TENM2: variants seen among roughly 807,000 people sequenced by gnomAD.
TENM2 encodes the protein teneurin transmembrane protein 2, also known as teneurin-2.
TENM2 carries 52 observed loss-of-function variants against 245.2 expected under a neutral mutation model. The ratio of observed to expected loss-of-function variants is 0.21; its 90% CI spans 0.17 to 0.27. TENM2 has a LOEUF of 0.27. Ranked by LOEUF, TENM2 falls within the 10% of genes least tolerant of loss-of-function variation. TENM2 has a pLI of 1.00. For synonymous variants in TENM2, 1,363 were observed against 1,438.9 expected, an observed-to-expected ratio of 0.95 and a Z score of 1.19; for missense variants, 3,046 against 3,666.8, an observed-to-expected ratio of 0.83 and a Z score of 4.37.
chr5:167,069,275 G>A, the TENM2 span, among the ~76,000 whole-genome samples: 309 of 152,004 alleles, frequency 2.0e-3, 1 homozygote, highest in African/African-American at 6.9e-3. Flanking sequence ...TTTCTATATC[G>A]CTTTCATTTG....
intron 2 of TENM2, among the ~76,000 whole-genome samples, chr5:167,734,386 T>C (rs1760652862): frequency 6.6e-6 from 1 of 151,466 alleles, no homozygotes. Flanking sequence ...TAACGGTGAA[T>C]AACCAGTAGT....
the TENM2 span, among the ~76,000 whole-genome samples, chr5:167,099,305 G>T: frequency 6.6e-6 from 1 of 152,130 alleles, no homozygotes; most frequent in African/African-American, 2.4e-5. Flanking sequence ...CCCTTTAAGG[G>T]TTAATTGTAA....
At chr5:167,760,273 C>G (rs1762576264) in intron 2 of TENM2, among the ~76,000 whole-genome samples, 1 of 152,150 alleles carries the variant, frequency 6.6e-6, no homozygotes, top group Non-Finnish European at 1.5e-5. Flanking sequence ...TGTCACATGC[C>G]TTTGAAAGAA....
chr5:168,102,443 GC>G (rs1793899920), intron 9 of TENM2, among the ~76,000 whole-genome samples: 1 of 152,194 alleles, frequency 6.6e-6, no homozygotes, highest in Admixed American at 6.5e-5. Context: ...GGAAATGTTA[GC>G]GCCCCCATTA....
At chr5:167,458,486 CAAAAAAACAAAA>C (rs1766061890) in intron 2 of TENM2, among the ~76,000 whole-genome samples, 1 of 35,760 alleles carries the variant, frequency 2.8e-5, no homozygotes, top group African/African-American at 1.1e-4. Context: ...GACTCCGTCT[CAAAAAAACAAAA>C]AAAAAAAAAA....
chr5:168,055,967 A>C (rs2152072582), intron 6 of TENM2, among the ~76,000 whole-genome samples: 1 of 152,348 alleles, frequency 6.6e-6, no homozygotes, highest in East Asian at 1.9e-4. Flanking sequence ...TAAAATGTCT[A>C]GCTAGGCATT....
chr5:167,238,289 A>C, the TENM2 span, among the ~76,000 whole-genome samples: 1 of 142,338 alleles, frequency 7.0e-6, no homozygotes, highest in Non-Finnish European at 1.5e-5. Context: ...CAACATTTTT[A>C]TTACTTAGTC....
chr5:168,238,441 C>T (rs1432772564), intron 25 of TENM2, among the ~76,000 whole-genome samples: 1 of 152,088 alleles, frequency 6.6e-6, no homozygotes, highest in Non-Finnish European at 1.5e-5. Context: ...ACTCTCGTGA[C>T]CCCCCTCACT....
At chr5:167,131,416 T>G in the TENM2 span, among the ~76,000 whole-genome samples, 1 of 152,164 alleles carries the variant, frequency 6.6e-6, no homozygotes, top group Non-Finnish European at 1.5e-5. Context: ...TATTCCCGAT[T>G]GAGTGCCTGT....
intron 2 of TENM2, among the ~76,000 whole-genome samples, chr5:167,387,365 CTT>C (rs1325551366): frequency 6.6e-6 from 1 of 151,976 alleles, no homozygotes; most frequent in African/African-American, 2.4e-5. Flanking sequence ...TGTACACTAA[CTT>C]TGTATCCGGA....
chr5:168,011,377 G>T (rs1053557142), intron 5 of TENM2, among the ~76,000 whole-genome samples: 1 of 152,098 alleles, frequency 6.6e-6, no homozygotes, highest in Non-Finnish European at 1.5e-5. Context: ...TGTTTGTCAC[G>T]ACTGGGAGAT....
the TENM2 span, among the ~76,000 whole-genome samples, chr5:167,090,719 C>A: frequency 6.6e-6 from 1 of 152,146 alleles, no homozygotes; most frequent in African/African-American, 2.4e-5. Context: ...TTGAAGCATT[C>A]ACAAGGGACA....
chr5:167,515,667 ATGTG>A (rs142565582), intron 2 of TENM2, among the ~76,000 whole-genome samples: 143 of 60,882 alleles, frequency 2.3e-3, no homozygotes, highest in Middle Eastern at 9.3e-3. Flanking sequence ...ATACGTATAT[ATGTG>A]TATATATATT....
intron 2 of TENM2, among the ~76,000 whole-genome samples, chr5:167,792,789 G>T (rs1252953386): frequency 6.6e-6 from 1 of 151,728 alleles, no homozygotes; most frequent in Non-Finnish European, 1.5e-5. Flanking sequence ...TCTGTTAACA[G>T]GCATTTACAT....
At chr5:167,098,494 G>C in the TENM2 span, among the ~76,000 whole-genome samples, 1 of 152,116 alleles carries the variant, frequency 6.6e-6, no homozygotes, top group African/African-American at 2.4e-5. Flanking sequence ...GCTCACTTCT[G>C]CTTCTGATGC....
chr5:168,087,849 T>A (rs1198005073), intron 7 of TENM2, among the ~76,000 whole-genome samples: 1 of 152,100 alleles, frequency 6.6e-6, no homozygotes, highest in African/African-American at 2.4e-5. Context: ...GCTACAGGAT[T>A]GAGACACATC....
intron 2 of TENM2, among the ~76,000 whole-genome samples, chr5:167,484,624 A>G (rs1434598527): frequency 6.6e-6 from 1 of 152,182 alleles, no homozygotes; most frequent in East Asian, 1.9e-4. Flanking sequence ...ACTAGTACAC[A>G]TTCCCTTAAA....
At chr5:167,189,419 A>T in the TENM2 span, among the ~76,000 whole-genome samples, 4 of 152,108 alleles carry the variant, frequency 2.6e-5, no homozygotes, top group Admixed American at 1.3e-4. Context: ...TAATTTGCAC[A>T]CTGCCAAATC....
intron 1 of TENM2, among the ~76,000 whole-genome samples, chr5:167,345,441 A>G (rs1296216364): frequency 1.3e-5 from 2 of 152,236 alleles, no homozygotes; most frequent in Admixed American, 6.5e-5. Context: ...TCTGGGGAAC[A>G]TGAACAGACA....
Sources: gnomAD v4.1 joint callset for allele counts (sites outside exome capture counted in the v4.1 genomes callset) on GRCh38, gnomAD v4.1.1 for gene constraint, MANE v1.5 for transcripts, NCBI Gene and HGNC (gene_info 2026-07-23, HGNC 2026-07-21) for gene names.